The following DHRSX variants were observed in gnomAD, a reference collection of about 807,000 sequenced individuals.
DHRSX encodes the protein dehydrogenase/reductase X-linked.
Under a neutral mutation model 34.0 loss-of-function variants are expected in DHRSX, and 31 were observed. The observed-to-expected ratio is 0.91, with a 90% CI of 0.69 to 1.23. DHRSX has a LOEUF of 1.23. Among genes scored for constraint, DHRSX ranks in the 50% most tolerant of loss-of-function variants. The pLI is 0.00. For missense variants in DHRSX, 414 were observed against 428.1 expected (o/e 0.97, Z 0.29); for synonymous variants, 201 against 183.8 (o/e 1.09, Z -0.76).
At chrX:2,490,387 G>A (rs759623239) in intron 1 of DHRSX, 112 of 1,613,660 alleles carry the variant, frequency 6.9e-5, no homozygotes, top group Non-Finnish European at 8.1e-5. Flanking sequence ...CGGCCTTGAC[G>A]GCCAGCGCGT....
intron 1 of DHRSX, among the ~76,000 whole-genome samples, chrX:2,431,010 G>A (rs1290207772): frequency 1.3e-5 from 2 of 150,998 alleles, no homozygotes; most frequent in East Asian, 3.9e-4. Context: ...GGGTGACAGA[G>A]CAAGACTGTC....
intron 3 of DHRSX, among the ~76,000 whole-genome samples, chrX:2,401,928 A>T (rs998296639): frequency 3.3e-5 from 5 of 152,230 alleles, no homozygotes; most frequent in African/African-American, 9.6e-5. Context: ...CGAGAGCTCA[A>T]TTAGCCGTCC....
intron 3 of DHRSX, among the ~76,000 whole-genome samples, chrX:2,314,956 A>G (rs1208548520): frequency 2.6e-5 from 4 of 152,106 alleles, no homozygotes; most frequent in Non-Finnish European, 4.4e-5. Flanking sequence ...TCGGGAGTTA[A>G]GAGACCAGCC....
intron 6 of DHRSX, among the ~76,000 whole-genome samples, chrX:2,224,912 T>TAC (rs745658253): frequency 1.4e-5 from 2 of 140,974 alleles, no homozygotes; most frequent in African/African-American, 5.4e-5. Context: ...CACACACACG[T>TAC]ACACACACAT....
At chrX:2,368,866 C>T (rs1484594868) in intron 3 of DHRSX, among the ~76,000 whole-genome samples, 10 of 151,840 alleles carry the variant, frequency 6.6e-5, no homozygotes, top group African/African-American at 9.7e-5. Flanking sequence ...ATAAATAACC[C>T]GGGAGGTGGA....
chrX:2,224,745 C>T lies in DHRSX; in HGVS notation c.805-3516G>A, dbSNP rs765687395. The stretch of plus-strand genomic sequence containing the variant: ...ACTCATGCATACGCACACACACATG[C>T]ACACTTACTTGCACATGCATACTCA... On this transcript the variant is annotated intron_variant, in intron 6 of 6. Coordinates refer to ENST00000334651, the MANE Select transcript of DHRSX (RefSeq NM_145177.3). Among the ~76,000 whole-genome samples, 24 of 152,248 alleles carry T rather than the reference C, an allele frequency of 1.6e-4. No homozygotes were observed. The South Asian group carries it at 3.5e-3, about 22-fold the overall frequency.
At chrX:2,268,492 A>C (rs2041504846) in intron 4 of DHRSX, among the ~76,000 whole-genome samples, 2 of 152,276 alleles carry the variant, frequency 1.3e-5, no homozygotes, top group South Asian at 4.1e-4. Flanking sequence ...ACACTTGGGT[A>C]TATAACTGCA....
chrX:2,478,226 G>C (rs6567574), intron 1 of DHRSX, among the ~76,000 whole-genome samples: 124,827 of 152,042 alleles, frequency 0.82, 51,823 homozygotes, highest in African/African-American at 0.92. Flanking sequence ...GGGATGGCGA[G>C]GTGCAGAGAG....
intron 1 of DHRSX, chrX:2,490,391 A>T: frequency 1.9e-6 from 3 of 1,613,832 alleles, no homozygotes; most frequent in Non-Finnish European, 2.5e-6. Flanking sequence ...CTTGACGGCC[A>T]GCGCGTCCTG....
intron 1 of DHRSX, among the ~76,000 whole-genome samples, chrX:2,492,359 G>A (rs752399622): frequency 2.0e-5 from 3 of 151,692 alleles, no homozygotes; most frequent in South Asian, 2.1e-4. Flanking sequence ...GGAGTGATGC[G>A]GCCACAAACC....
In DHRSX at chrX:2,500,945, C is replaced by T; in HGVS notation, c.-20G>A. The T allele has an allele frequency of 7.7e-6, 8 of 1,032,388 alleles. No individual in the cohort carries two copies. Among genetic ancestry groups the T allele is most frequent in the Non-Finnish European group, 9.3e-6 (8 of 860,400 alleles). The allele number at this position is 1,032,388 out of a possible 1,614,324, so 64.0% of individuals were successfully genotyped here. The stretch of plus-strand genomic sequence containing the variant: ...CGACATGGCTGCCCCGGCCGCGCCG[C>T]CGCCGCTTCCGCGCCGCCCGCGGGA... On this transcript the variant is annotated 5_prime_UTR_variant, in exon 1 of 7. Transcript: ENST00000334651.
chrX:2,305,118 A>G (rs936943475), intron 3 of DHRSX, among the ~76,000 whole-genome samples: 2 of 150,950 alleles, frequency 1.3e-5, no homozygotes, highest in African/African-American at 4.9e-5. Flanking sequence ...AAAACCAAAC[A>G]CTGTACACTC....
At chrX:2,478,561 G>C (rs1210072332) in intron 1 of DHRSX, among the ~76,000 whole-genome samples, 1 of 75,900 alleles carries the variant, frequency 1.3e-5, no homozygotes, top group Non-Finnish European at 2.8e-5. Context: ...CATTGAAGAG[G>C]TTCCCTAAGA....
At chrX:2,342,121 G>T (rs1393956239) in intron 3 of DHRSX, among the ~76,000 whole-genome samples, 2 of 152,068 alleles carry the variant, frequency 1.3e-5, no homozygotes, top group African/African-American at 4.8e-5. Context: ...AGAAGCTTTT[G>T]TTTGTGGGCG....
At chrX:2,495,322 G>T (rs960315816) in intron 1 of DHRSX, among the ~76,000 whole-genome samples, 7 of 151,360 alleles carry the variant, frequency 4.6e-5, no homozygotes, top group African/African-American at 1.7e-4. Flanking sequence ...GCTGAAAGAC[G>T]CCCCAGTACC....
chrX:2,455,657 C>T (rs1214837775), intron 1 of DHRSX, among the ~76,000 whole-genome samples: 3 of 148,234 alleles, frequency 2.0e-5, no homozygotes, highest in Admixed American at 6.9e-5. Flanking sequence ...GGGAGAATCC[C>T]GTGAACCCTG....
At chrX:2,455,690 G>A (rs1229113830) in intron 1 of DHRSX, among the ~76,000 whole-genome samples, 2 of 143,210 alleles carry the variant, frequency 1.4e-5, no homozygotes, top group Non-Finnish European at 3.0e-5. Flanking sequence ...GCAGTGAGCC[G>A]AGATTGTGCT....
At chrX:2,354,129 C>T (rs756732413) in intron 3 of DHRSX, among the ~76,000 whole-genome samples, 2 of 152,150 alleles carry the variant, frequency 1.3e-5, no homozygotes, top group Non-Finnish European at 2.9e-5. Context: ...CTCCTGGTGG[C>T]CATTCCCACC....
intron 4 of DHRSX, among the ~76,000 whole-genome samples, chrX:2,284,132 A>ATTTGAATTCATTCATTCATTCC (rs1246655257): frequency 1.3e-5 from 2 of 152,186 alleles, no homozygotes; most frequent in Non-Finnish European, 2.9e-5. Context: ...AGATTCACTC[A>ATTTGAATTCATTCATTCATTCC]TTTGAATTCA....
Sources: gnomAD v4.1 joint callset for allele counts (sites outside exome capture counted in the v4.1 genomes callset) on GRCh38, gnomAD v4.1.1 for gene constraint, MANE v1.5 for transcripts, NCBI Gene and HGNC (gene_info 2026-07-23, HGNC 2026-07-21) for gene names.